The following APPBP2 variants were observed in gnomAD, a reference collection of about 807,000 sequenced individuals.
The protein encoded by APPBP2 is amyloid protein-binding protein 2.
Under a neutral mutation model 76.0 loss-of-function variants are expected in APPBP2, and 15 were observed. The ratio of observed to expected loss-of-function variants is 0.20; its 90% CI spans 0.13 to 0.30. The LOEUF (loss-of-function observed/expected upper bound fraction) is 0.30, where lower values mean the gene tolerates loss of function less well. Among genes scored for constraint, APPBP2 ranks in the 10% least tolerant of loss-of-function variants. APPBP2 has a pLI of 1.00. For missense variants in APPBP2, 401 were observed against 687.2 expected (o/e 0.58, Z 4.66); for synonymous variants, 222 against 242.2 (o/e 0.92, Z 0.77).
At chr17:60,512,953 TTTTCC>T (rs2143487024) in intron 1 of APPBP2, among the ~76,000 whole-genome samples, 1 of 138,978 alleles carries the variant, frequency 7.2e-6, no homozygotes, top group East Asian at 1.9e-4. Flanking sequence ...AAAATTTTTC[TTTTCC>T]TTTTTTTTTT....
chr17:60,483,907 T>C (rs2090651563), intron 3 of APPBP2, among the ~76,000 whole-genome samples: 2 of 152,116 alleles, frequency 1.3e-5, no homozygotes, highest in Non-Finnish European at 1.5e-5. Flanking sequence ...AATTTTTGTA[T>C]AACGTGTAAG....
intron 12 of APPBP2, among the ~76,000 whole-genome samples, chr17:60,448,371 G>C (rs931513851): frequency 1.3e-5 from 2 of 152,338 alleles, no homozygotes; most frequent in African/African-American, 4.8e-5. Flanking sequence ...GCTGAGGCAT[G>C]AGAACTGCCT....
In APPBP2 at chr17:60,447,391, G is replaced by A; in HGVS notation, c.*190C>T. 1 of 553,390 alleles carries A rather than the reference G, an allele frequency of 1.8e-6. No individual in the cohort carries two copies. Among genetic ancestry groups the A allele is most frequent in the East Asian group, 3.0e-5 (1 of 33,494 alleles). The allele number at this position is 553,390 out of a possible 1,614,324, so 34.3% of individuals were successfully genotyped here. A position where few individuals can be genotyped will look rare whatever the true frequency, so the allele number is the denominator to read the frequency against. On this transcript the variant is annotated 3_prime_UTR_variant, in exon 13 of 13. Transcript: ENST00000083182. ...ACTACTTACACATGCGGTACATGCT[G>A]AATATAACTGAATATATGCTTATTC...
rs143292981 is a variant in APPBP2, at chr17:60,485,920, A to T, written c.380-6649T>A. ...TTGTGTCTTTGTTCTTATTGGTTTC[A>T]AAGACATCTTTATTTCTGCCTTCAT... is the stretch of plus-strand genomic sequence containing the variant. On this transcript the variant is annotated intron_variant, in intron 3 of 12. Coordinates refer to ENST00000083182, the MANE Select transcript of APPBP2 (RefSeq NM_006380.5). 4.4e-3 allele frequency among the ~76,000 whole-genome samples: 677 copies of T among 152,288 alleles called. 4 individuals carry two copies. The highest frequency in any genetic ancestry group is 0.015 in the African/African-American group (618 of 41,566).
chr17:60,483,429 T>G (rs1020002977), intron 3 of APPBP2, among the ~76,000 whole-genome samples: 4 of 152,174 alleles, frequency 2.6e-5, no homozygotes, highest in African/African-American at 9.7e-5. Context: ...AGACTTGCTC[T>G]GTCGCCCAGG....
At chr17:60,457,956 A>G (rs2090443621) in intron 9 of APPBP2, among the ~76,000 whole-genome samples, 3 of 151,856 alleles carry the variant, frequency 2.0e-5, no homozygotes, top group African/African-American at 7.3e-5. Flanking sequence ...GTCAGTCTCC[A>G]TTTCCCTCCA....
At chr17:60,472,695 G>C (rs986341561) in intron 4 of APPBP2, among the ~76,000 whole-genome samples, 2 of 152,178 alleles carry the variant, frequency 1.3e-5, no homozygotes, top group Non-Finnish European at 2.9e-5. Context: ...GCTAGCCAAA[G>C]AAATGACTGG....
At chr17:60,464,576 T>C (rs1250084915) in intron 5 of APPBP2, among the ~76,000 whole-genome samples, 4 of 152,242 alleles carry the variant, frequency 2.6e-5, no homozygotes, top group African/African-American at 9.6e-5. Flanking sequence ...AAGTATTTTA[T>C]GTGCATTAAC....
intron 1 of APPBP2, among the ~76,000 whole-genome samples, chr17:60,522,348 G>T (rs968743491): frequency 6.6e-6 from 1 of 151,998 alleles, no homozygotes; most frequent in African/African-American, 2.4e-5. Context: ...TTTGAGATAG[G>T]ATCTCCCTCT....
At chr17:60,449,407 C>A (rs762081146) in intron 12 of APPBP2, among the ~76,000 whole-genome samples, 7 of 152,264 alleles carry the variant, frequency 4.6e-5, no homozygotes, top group Non-Finnish European at 1.0e-4. Context: ...ACCTGGCCAA[C>A]ACGGCAAAAC....
In APPBP2 at chr17:60,445,613, G is replaced by A. The variant is rs983384291; in HGVS notation, c.*1968C>T. 2 of 152,230 alleles carry A rather than the reference G, an allele frequency of 1.3e-5. No homozygotes were observed. The highest frequency in any genetic ancestry group is 2.4e-5 in the African/African-American group (1 of 41,340). The allele number at this position is 152,230 out of a possible 1,614,324, so 9.4% of individuals were successfully genotyped here. ...GGTATTAAATATATAGGCCCATGAG[G>A]ATAGAGCTGAGTAACTTAAAAATGT... On this transcript the variant is annotated 3_prime_UTR_variant, in exon 13 of 13. Transcript: ENST00000083182.
At chr17:60,504,945 A>C (rs887434043) in intron 1 of APPBP2, among the ~76,000 whole-genome samples, 23 of 152,196 alleles carry the variant, frequency 1.5e-4, no homozygotes, top group African/African-American at 5.5e-4. Flanking sequence ...TAAATAGCCA[A>C]AACTTCAGAA....
At chr17:60,464,141 C>G (rs1201445004) in intron 5 of APPBP2, 31 bp from the exon 6 acceptor site, 2 of 1,541,802 alleles carry the variant, frequency 1.3e-6, no homozygotes, top group African/African-American at 1.4e-5. Context: ...AGAGACAGAA[C>G]TGTGGTTAAA....
intron 10 of APPBP2, among the ~76,000 whole-genome samples, chr17:60,455,610 C>A (rs539511485): frequency 6.6e-6 from 1 of 152,246 alleles, no homozygotes; most frequent in Admixed American, 6.5e-5. Context: ...TAACCTGATA[C>A]GAAGCTCAGG....
At chr17:60,450,018 G>A (rs12946164) in intron 12 of APPBP2, among the ~76,000 whole-genome samples, 151,929 of 151,936 alleles carry the variant, frequency 1, 75,961 homozygotes, top group Middle Eastern at 1. Flanking sequence ...GCTGGGCTTG[G>A]ACTCCTGACC....
intron 1 of APPBP2, among the ~76,000 whole-genome samples, chr17:60,514,659 G>A (rs567842200): frequency 1.6e-3 from 237 of 152,120 alleles, no homozygotes; most frequent in African/African-American, 5.5e-3. Flanking sequence ...AACAAACACT[G>A]AATATCCTCT....
intron 2 of APPBP2, among the ~76,000 whole-genome samples, chr17:60,496,978 C>T (rs750960790): frequency 1.3e-5 from 2 of 152,210 alleles, no homozygotes; most frequent in South Asian, 2.1e-4. Context: ...ACCTTGGCCT[C>T]CCAAAGTGCT....
chr17:60,451,344 T>C (rs17500797), intron 12 of APPBP2, among the ~76,000 whole-genome samples: 8,170 of 152,296 alleles, frequency 0.054, 258 homozygotes, highest in Middle Eastern at 0.11. Flanking sequence ...CTCTTACTAC[T>C]GGCTTCAGTA....
chr17:60,507,487 G>T (rs1203635555), intron 1 of APPBP2, among the ~76,000 whole-genome samples: 1 of 152,136 alleles, frequency 6.6e-6, no homozygotes, highest in African/African-American at 2.4e-5. Flanking sequence ...CTCCCAAAGT[G>T]CTGGGATTAC....
Sources: gnomAD v4.1 joint callset for allele counts (sites outside exome capture counted in the v4.1 genomes callset) on GRCh38, gnomAD v4.1.1 for gene constraint, MANE v1.5 for transcripts, NCBI Gene and HGNC (gene_info 2026-07-23, HGNC 2026-07-21) for gene names.